Variants in CAMKMT observed in about 807,000 individuals in gnomAD.
CAMKMT encodes calmodulin-lysine N-methyltransferase, also known as CaM KMT.
CAMKMT carries 53 observed loss-of-function variants against 48.0 expected under a neutral mutation model. The observed-to-expected ratio is 1.10, with a 90% confidence interval of 0.89 to 1.39. The LOEUF is 1.39. Among genes scored for constraint, CAMKMT ranks in the 40% most tolerant of loss-of-function variants. The pLI, the probability that CAMKMT is intolerant of heterozygous loss-of-function variation, is 0.00. For synonymous variants in CAMKMT, 165 were observed against 152.3 expected (o/e 1.08, Z -0.61); for missense variants, 428 against 402.7 (o/e 1.06, Z -0.54).
chr2:44,676,927 A>AT (rs1013103240), intron 3 of CAMKMT, among the ~76,000 whole-genome samples: 25 of 152,098 alleles, frequency 1.6e-4, no homozygotes, highest in Admixed American at 1.0e-3. Flanking sequence ...CCTCATAAGG[A>AT]TTTTTTTTCT....
intron 3 of CAMKMT, among the ~76,000 whole-genome samples, chr2:44,463,236 C>G (rs1213234988): frequency 6.6e-6 from 1 of 152,136 alleles, no homozygotes; most frequent in Non-Finnish European, 1.5e-5. Flanking sequence ...ATAGGAAGCC[C>G]TAGACCTTGT....
intron 3 of CAMKMT, among the ~76,000 whole-genome samples, chr2:44,616,691 G>A (rs1017419268): frequency 6.6e-6 from 1 of 152,048 alleles, no homozygotes; most frequent in East Asian, 1.9e-4. Flanking sequence ...CTGACATGGG[G>A]AATTACCTTA....
intron 3 of CAMKMT, among the ~76,000 whole-genome samples, chr2:44,615,104 A>G (rs1355848690): frequency 1.3e-5 from 2 of 151,186 alleles, no homozygotes; most frequent in East Asian, 3.9e-4. Context: ...TTTAAAAATT[A>G]TTTTAGAGAT....
intron 3 of CAMKMT, among the ~76,000 whole-genome samples, chr2:44,636,101 T>C (rs1288151340): frequency 6.6e-6 from 1 of 152,236 alleles, no homozygotes; most frequent in African/African-American, 2.4e-5. Context: ...ATTTTTTTCC[T>C]AAATAAACTT....
At chr2:44,488,313 C>A (rs577561341) in intron 3 of CAMKMT, among the ~76,000 whole-genome samples, 2 of 152,152 alleles carry the variant, frequency 1.3e-5, no homozygotes, top group South Asian at 4.2e-4. Flanking sequence ...CCAGCCTGAC[C>A]AACATGGTGA....
chr2:44,570,529 C>T lies in CAMKMT; in HGVS notation c.377-133754C>T, dbSNP rs370810675. On this transcript the variant is annotated intron_variant, in intron 3 of 10. Transcript: ENST00000378494. ...CATAATAGAGATATCTGTTCATTTA[C>T]ATGGGGAAGAATTCCTTCTGTGCCG... 5.9e-5 allele frequency among the ~76,000 whole-genome samples: 9 copies of T among 152,224 alleles called. No homozygotes were observed. In the East Asian group the frequency reaches 1.5e-3, roughly 26 times the overall value.
At chr2:44,572,262 G>T (rs1474990724) in intron 3 of CAMKMT, among the ~76,000 whole-genome samples, 1 of 152,050 alleles carries the variant, frequency 6.6e-6, no homozygotes, top group Non-Finnish European at 1.5e-5. Flanking sequence ...GCCCAGGCTG[G>T]TCTTAAACTC....
intron 3 of CAMKMT, among the ~76,000 whole-genome samples, chr2:44,612,129 A>C (rs1294602358): frequency 1.3e-5 from 2 of 152,218 alleles, no homozygotes; most frequent in Non-Finnish European, 2.9e-5. Context: ...AAAGCCTTTT[A>C]CTTAACTTTT....
chr2:44,484,691 CA>C (rs35786716), intron 3 of CAMKMT, among the ~76,000 whole-genome samples: 101,751 of 139,078 alleles, frequency 0.73, 36,310 homozygotes, highest in Middle Eastern at 0.79. Context: ...TTAAATAGGA[CA>C]AAAAAAAAAA....
intron 3 of CAMKMT, among the ~76,000 whole-genome samples, chr2:44,410,312 A>C (rs1169191903): frequency 8.6e-6 from 1 of 116,594 alleles, no homozygotes; most frequent in Non-Finnish European, 1.7e-5. Context: ...GCTGGAGTGC[A>C]GTGGCGCGAT....
At chr2:44,579,168 T>C (rs750038207) in intron 3 of CAMKMT, among the ~76,000 whole-genome samples, 2 of 152,242 alleles carry the variant, frequency 1.3e-5, no homozygotes, top group Non-Finnish European at 2.9e-5. Context: ...CTTAACAATT[T>C]CTGGTCAGAT....
intron 7 of CAMKMT, among the ~76,000 whole-genome samples, chr2:44,731,938 G>A (rs573751472): frequency 5.3e-5 from 8 of 152,210 alleles, no homozygotes; most frequent in Non-Finnish European, 7.4e-5. Context: ...CATGTCCATA[G>A]CTGTTATGAT....
chr2:44,397,210 C>A (rs745314952), intron 3 of CAMKMT, among the ~76,000 whole-genome samples: 2 of 152,126 alleles, frequency 1.3e-5, no homozygotes, highest in Non-Finnish European at 2.9e-5. Context: ...TTAACCCTTT[C>A]TTAGGTTGGG....
intron 3 of CAMKMT, among the ~76,000 whole-genome samples, chr2:44,573,847 C>T (rs6719133): frequency 0.64 from 98,016 of 151,996 alleles, 32,105 homozygotes; most frequent in Admixed American, 0.71. Context: ...AATACAACCT[C>T]TACCATATAC....
intron 1 of CAMKMT, among the ~76,000 whole-genome samples, chr2:44,369,165 T>C (rs1224140738): frequency 1.3e-5 from 2 of 152,182 alleles, no homozygotes; most frequent in African/African-American, 2.4e-5. Context: ...ATTACAGGCA[T>C]GAGCCACCAT....
At chr2:44,442,203 A>G (rs1666706972) in intron 3 of CAMKMT, among the ~76,000 whole-genome samples, 1 of 152,176 alleles carries the variant, frequency 6.6e-6, no homozygotes, top group Non-Finnish European at 1.5e-5. Flanking sequence ...AAAGAGAAGT[A>G]TGTATGACTC....
chr2:44,552,872 A>T (rs1364719718), intron 3 of CAMKMT, among the ~76,000 whole-genome samples: 1 of 152,208 alleles, frequency 6.6e-6, no homozygotes, highest in African/African-American at 2.4e-5. Context: ...TCATTTAGTC[A>T]GGACCCTTTC....
chr2:44,560,909 A>G (rs1472073255), intron 3 of CAMKMT, among the ~76,000 whole-genome samples: 1 of 152,184 alleles, frequency 6.6e-6, no homozygotes, highest in Non-Finnish European at 1.5e-5. Flanking sequence ...CTGTTTTCCT[A>G]CTATCTTACA....
intron 3 of CAMKMT, among the ~76,000 whole-genome samples, chr2:44,519,852 C>A (rs1671011218): frequency 6.6e-6 from 1 of 152,140 alleles, no homozygotes; most frequent in Non-Finnish European, 1.5e-5. Flanking sequence ...AGTGATCCTT[C>A]TGCCTCAGCC....
Sources: gnomAD v4.1 joint callset for allele counts (sites outside exome capture counted in the v4.1 genomes callset) on GRCh38, gnomAD v4.1.1 for gene constraint, MANE v1.5 for transcripts, NCBI Gene and HGNC (gene_info 2026-07-23, HGNC 2026-07-21) for gene names.